Variants in XRCC6 observed in about 807,000 individuals in gnomAD.
XRCC6 encodes the protein DNA repair protein Ku70.
A neutral mutation model predicts 65.7 loss-of-function variants in XRCC6; 5 were observed. The ratio of observed to expected loss-of-function variants is 0.08; its 90% CI spans 0.04 to 0.16. The LOEUF (loss-of-function observed/expected upper bound fraction) is 0.16. Ranked by LOEUF, XRCC6 falls within the 10% of genes least tolerant of loss-of-function variation. The pLI is 1.00. For missense variants in XRCC6, 447 were observed against 738.1 expected (o/e 0.61, Z 4.57); for synonymous variants, 270 against 270.6 (o/e 1.00, Z 0.02).
intron 3 of XRCC6, among the ~76,000 whole-genome samples, chr22:41,634,514 A>G (rs1488466925): frequency 6.8e-6 from 1 of 146,052 alleles, no homozygotes; most frequent in African/African-American, 2.6e-5. Flanking sequence ...AGTGCTCCAG[A>G]ATTAGGTAGG....
chr22:41,663,973 GGTGTA>G lies in XRCC6; in HGVS notation c.*160_*164del. On this transcript the variant is annotated 3_prime_UTR_variant, in exon 13 of 13. Transcript: ENST00000360079. ...TGAGGCTTTCTGTTGCCATGGTGATGGTGTAGCCCTCCCACTTTGCTGTTCCTTAC... is the reference window on the plus strand; with the variant it reads ...TGAGGCTTTCTGTTGCCATGGTGATGGCCCTCCCACTTTGCTGTTCCTTAC... The G allele has an allele frequency of 1.3e-6, 1 of 773,706 alleles. No homozygotes were observed. Among genetic ancestry groups the G allele is most frequent in the South Asian group, 1.9e-5 (1 of 52,274 alleles). The allele number at this position is 773,706 out of a possible 1,614,324, so 47.9% of individuals were successfully genotyped here.
intron 2 of XRCC6, among the ~76,000 whole-genome samples, chr22:41,624,531 A>G (rs2067647373): frequency 6.6e-6 from 1 of 151,112 alleles, no homozygotes; most frequent in African/African-American, 2.4e-5. Context: ...CTAAAAAAAT[A>G]CAAAAAATTA....
chr22:41,630,130 C>T (rs1385448401), intron 3 of XRCC6, among the ~76,000 whole-genome samples: 3 of 151,914 alleles, frequency 2.0e-5, no homozygotes, highest in Non-Finnish European at 2.9e-5. Context: ...ATTACAGGCA[C>T]GTGTCACCAT....
intron 9 of XRCC6, among the ~76,000 whole-genome samples, chr22:41,654,878 C>T (rs547974096): frequency 6.6e-4 from 100 of 152,264 alleles, no homozygotes; most frequent in Admixed American, 2.0e-3. Flanking sequence ...ACAGGAGGGC[C>T]GCAACCACAG....
At chr22:41,635,603 C>T (rs1055268194) in intron 3 of XRCC6, among the ~76,000 whole-genome samples, 2 of 152,038 alleles carry the variant, frequency 1.3e-5, no homozygotes, top group African/African-American at 4.8e-5. Context: ...TGTAGTGGTG[C>T]AGTCTCTGCT....
chr22:41,625,770 A>G (rs1414281734), intron 2 of XRCC6, among the ~76,000 whole-genome samples: 1 of 152,230 alleles, frequency 6.6e-6, no homozygotes, highest in Non-Finnish European at 1.5e-5. Flanking sequence ...TCAAGGCTGC[A>G]GTGAGCTATG....
intron 6 of XRCC6, among the ~76,000 whole-genome samples, chr22:41,640,570 T>A (rs1277848939): frequency 1.3e-5 from 2 of 152,134 alleles, no homozygotes; most frequent in Non-Finnish European, 2.9e-5. Context: ...AGTATAGGGG[T>A]CCATGACCTT....
chr22:41,626,662 G>A (rs5751130), intron 2 of XRCC6, among the ~76,000 whole-genome samples: 1 of 135,932 alleles, frequency 7.4e-6, no homozygotes, highest in South Asian at 2.3e-4. Context: ...TTTTGAGACC[G>A]AGTCTCACTC....
chr22:41,622,751 T>A (rs1192163509), intron 2 of XRCC6, among the ~76,000 whole-genome samples: 3 of 151,968 alleles, frequency 2.0e-5, no homozygotes, highest in Non-Finnish European at 4.4e-5. Flanking sequence ...CCATCCTGGT[T>A]AACACGGTGA....
intron 2 of XRCC6, among the ~76,000 whole-genome samples, chr22:41,622,972 A>C (rs1296585065): frequency 6.6e-6 from 1 of 151,972 alleles, no homozygotes; most frequent in African/African-American, 2.4e-5. Flanking sequence ...GAAACATAGG[A>C]AATACAAAAA....
intron 7 of XRCC6, among the ~76,000 whole-genome samples, chr22:41,649,637 G>A (rs1211130877): frequency 3.3e-5 from 5 of 151,462 alleles, no homozygotes; most frequent in African/African-American, 4.9e-5. Context: ...GGCGGATCAC[G>A]AGGTCAGGAG....
intron 9 of XRCC6, among the ~76,000 whole-genome samples, chr22:41,655,327 G>GT (rs200998071): frequency 0.025 from 3,489 of 141,074 alleles, 44 homozygotes; most frequent in African/African-American, 0.032. Flanking sequence ...ATTCATTTTA[G>GT]TTTTTTTTTT....
At position 41,647,027 on chromosome 22, in the gene XRCC6, C is replaced by T; in HGVS notation, c.905C>T (p.Thr302Ile). The change falls in exon 7 of 13, where the codon ACC becomes ATC. Residue 302 changes from threonine to isoleucine, a missense_variant. By Grantham distance (89) the Thr-to-Ile change is moderately conservative. Transcript: ENST00000360079. ...GAACCAGTGAAAACCAAGACCCGGA[C>T]CTTTAATACAAGTACAGGCGGTTTG... ...TNEPVKTKTR[T>I]FNTSTGGLLL... is the part of the protein sequence containing the mutation. 2 of 1,614,156 alleles carry T rather than the reference C, an allele frequency of 1.2e-6. No homozygotes were observed. Among genetic ancestry groups the T allele is most frequent in the Non-Finnish European group, 1.7e-6 (2 of 1,180,022 alleles).
At chr22:41,650,286 A>G (rs1052910747) in intron 7 of XRCC6, among the ~76,000 whole-genome samples, 5 of 151,814 alleles carry the variant, frequency 3.3e-5, no homozygotes, top group Admixed American at 6.6e-5. Flanking sequence ...TAATTTTTTT[A>G]TACAGATAGG....
intron 4 of XRCC6, 90 bp downstream of exon 4, chr22:41,636,341 C>T (rs1601536592): frequency 1.3e-6 from 2 of 1,507,580 alleles, no homozygotes; most frequent in Non-Finnish European, 1.8e-6. Context: ...AAGCAAGTTA[C>T]ATCTTGTCTA....
intron 3 of XRCC6, among the ~76,000 whole-genome samples, chr22:41,630,907 C>T (rs528470334): frequency 1.3e-5 from 2 of 152,358 alleles, no homozygotes; most frequent in Admixed American, 1.3e-4. Context: ...AATCTTTTCC[C>T]CACCTTTCCC....
chr22:41,625,285 A>T (rs1259894865), intron 2 of XRCC6, among the ~76,000 whole-genome samples: 1 of 152,206 alleles, frequency 6.6e-6, no homozygotes, highest in Non-Finnish European at 1.5e-5. Context: ...AAGGTTCTTG[A>T]CACACATTGC....
intron 6 of XRCC6, 68 bp from the exon 7 acceptor site, chr22:41,646,828 T>TA (rs1455097757): frequency 1.5e-6 from 2 of 1,329,314 alleles, no homozygotes; most frequent in African/African-American, 1.5e-5. Flanking sequence ...GCTTTGGTGT[T>TA]ATGAGGGAAT....
At chr22:41,623,535 C>A (rs2067634658) in intron 2 of XRCC6, among the ~76,000 whole-genome samples, 2 of 151,620 alleles carry the variant, frequency 1.3e-5, no homozygotes, top group Non-Finnish European at 2.9e-5. Flanking sequence ...CCATAGGCGC[C>A]CACCACCACG....
Sources: gnomAD v4.1 joint callset for allele counts (sites outside exome capture counted in the v4.1 genomes callset) on GRCh38, gnomAD v4.1.1 for gene constraint, MANE v1.5 for transcripts, NCBI Gene and HGNC (gene_info 2026-07-23, HGNC 2026-07-21) for gene names.